The following FGFR3 variants were observed in gnomAD, a reference collection of about 807,000 sequenced individuals.
The protein encoded by FGFR3 is FGFR-3.
In FGFR3, 25 loss-of-function variants were observed where a neutral mutation model predicts 82.9. The observed-to-expected ratio is 0.30, with a 90% CI of 0.22 to 0.42. FGFR3 has a LOEUF of 0.42. Among genes scored for constraint, FGFR3 ranks in the 10% least tolerant of loss-of-function variants. The pLI, the probability that FGFR3 is intolerant of heterozygous loss-of-function variation, is 1.00. For missense variants in FGFR3, 1,026 were observed against 1,161.0 expected, an observed-to-expected ratio of 0.88 and a Z score of 1.69; for synonymous variants, 620 against 516.0, an observed-to-expected ratio of 1.20 and a Z score of -2.73.
In FGFR3 at chr4:1,808,390, T is replaced by G. The variant is rs546526332; in HGVS notation, c.*1128T>G. 12 of 232,364 alleles carry G rather than the reference T, an allele frequency of 5.2e-5. No homozygotes were observed. Among genetic ancestry groups the G allele is most frequent in the African/African-American group, 2.4e-4 (11 of 45,290 alleles). 14.4% of individuals were successfully genotyped at this position (232,364 alleles called of 1,614,324 possible). On this transcript the variant is annotated 3_prime_UTR_variant, in exon 18 of 18. Transcript: ENST00000440486. ...ATTAGATTTCTATAGGATTTTTCTT[T>G]AGGAGATTTATTTTTTGGACTTCAA...
rs762689187 is a variant in FGFR3 at position 1,804,400 on chromosome 4, C to T, written c.1146C>T (p.Gly382=). 1.9e-4 allele frequency: 309 copies of T among 1,612,998 alleles called. No individual in the cohort carries two copies. The highest frequency in any genetic ancestry group is 2.5e-4 in the Non-Finnish European group (300 of 1,179,692). ...VYAGILSYGV[G]FFLFILVVAA... ...CAGGCATCCTCAGCTACGGGGTGGG[C>T]TTCTTCCTGTTCATCCTGGTGGTGG... The change falls in exon 9 of 18, where the codon GGC becomes GGT. Residue 382 remains glycine, a synonymous_variant. Coordinates refer to ENST00000440486, the MANE Select transcript of FGFR3 (RefSeq NM_000142.5).
Position 1,801,580 on chromosome 4 carries a change from T to C in FGFR3, c.616-40T>C, listed in dbSNP as rs2305183. 250,671 of 1,583,716 alleles carry C rather than the reference T, an allele frequency of 0.16. 23,141 individuals are homozygous for C. Among genetic ancestry groups the C allele is most frequent in the African/African-American group, 0.41 (30,477 of 74,420 alleles). On this transcript the variant is annotated intron_variant, in intron 5 of 17. Coordinates refer to ENST00000440486, the MANE Select transcript of FGFR3 (RefSeq NM_000142.5). ...CTCTGGGCCTGGCAGGCGCGGTGGT[T>C]GCTGCCTCCGCTCACTCACCCGCCC...
chr4:1,801,523 T>A lies in FGFR3; in HGVS notation c.602T>A (p.Ile201Asn). Reference sequence around the variant, plus strand: ...AGGGAGTTCCGCGGCGAGCACCGCATTGGAGGCATCAAGGTGGGCGCGGCG... The same window carrying A: ...AGGGAGTTCCGCGGCGAGCACCGCAATGGAGGCATCAAGGTGGGCGCGGCG... ...NGREFRGEHRIGGIKLRHQQW... is the reference protein window; with the variant it reads ...NGREFRGEHRNGGIKLRHQQW... The change falls in exon 5 of 18, where the codon ATT becomes AAT. Residue 201 changes from isoleucine to asparagine, a missense_variant. This residue lies in a region of FGFR3 where 147 missense variants were observed against 228.1 expected (regional missense o/e 0.64). Transcript: ENST00000440486. 6.4e-7 allele frequency: 1 copy of A among 1,573,588 alleles called. No homozygotes were observed. Among genetic ancestry groups the A allele is most frequent in the Non-Finnish European group, 8.6e-7 (1 of 1,160,492 alleles).
At chr4:1,799,895 G>A (rs1380094966) in intron 4 of FGFR3, 83 bp downstream of exon 4, 13 of 1,506,952 alleles carry the variant, frequency 8.6e-6, no homozygotes, top group Non-Finnish European at 1.2e-5. Context: ...GGCAGCTGAG[G>A]GACTAAGGCC....
chr4:1,797,895 C>T (rs1720705317), intron 2 of FGFR3, among the ~76,000 whole-genome samples: 1 of 152,150 alleles, frequency 6.6e-6, no homozygotes, highest in Non-Finnish European at 1.5e-5. Flanking sequence ...GCCGGGCAGC[C>T]AGGGACTGGT....
At chr4:1,795,840 C>T (rs1387228254) in intron 2 of FGFR3, among the ~76,000 whole-genome samples, 2 of 152,182 alleles carry the variant, frequency 1.3e-5, no homozygotes, top group East Asian at 3.9e-4. Context: ...CTGGCTGCAA[C>T]CTCCCCCACT....
intron 1 of FGFR3, 38 bp downstream of exon 1, chr4:1,793,503 C>G (rs1720073862): frequency 6.7e-6 from 1 of 149,418 alleles, no homozygotes; most frequent in African/African-American, 2.4e-5. Flanking sequence ...CGGAGGGGTC[C>G]AACGGTGCTC....
intron 2 of FGFR3, among the ~76,000 whole-genome samples, chr4:1,794,810 G>C (rs1455145796): frequency 6.6e-6 from 1 of 151,788 alleles, no homozygotes; most frequent in Non-Finnish European, 1.5e-5. Context: ...GCGTACACCC[G>C]CAGCCGGCTC....
At position 1,808,551 on chromosome 4, in the gene FGFR3, T is replaced by A. The variant is rs1722250009; in HGVS notation, c.*1289T>A. On this transcript the variant is annotated 3_prime_UTR_variant, in exon 18 of 18. Coordinates refer to ENST00000440486, the MANE Select transcript of FGFR3 (RefSeq NM_000142.5). Reference sequence around the variant, plus strand: ...TTACAAGTTTATATATATCTATATATATAATTTATTGAGTTTTTACAAGAT... The same window carrying A: ...TTACAAGTTTATATATATCTATATAAATAATTTATTGAGTTTTTACAAGAT... 4.4e-6 allele frequency: 1 copy of A among 229,858 alleles called. No homozygotes were observed. Among genetic ancestry groups the A allele is most frequent in the Non-Finnish European group, 8.6e-6 (1 of 115,728 alleles). The allele number at this position is 229,858 out of a possible 1,614,324, so 14.2% of individuals were successfully genotyped here.
At chr4:1,804,767 G>A (rs949494572) in intron 9 of FGFR3, 57 bp from the exon 10 acceptor site, 34 of 1,546,824 alleles carry the variant, frequency 2.2e-5, no homozygotes, top group Non-Finnish European at 2.9e-5. Context: ...ACCCCCGGCT[G>A]TACCTCCACG....
Position 1,808,609 on chromosome 4 carries a change from A to G in FGFR3, c.*1347A>G, listed in dbSNP as rs1160086539. The G allele has an allele frequency of 4.3e-6, 1 of 231,168 alleles. No homozygotes were observed. Among genetic ancestry groups the G allele is most frequent in the Non-Finnish European group, 8.6e-6 (1 of 116,468 alleles). The allele number at this position is 231,168 out of a possible 1,614,324, so 14.3% of individuals were successfully genotyped here. On this transcript the variant is annotated 3_prime_UTR_variant, in exon 18 of 18. Transcript: ENST00000440486. The stretch of plus-strand genomic sequence containing the variant: ...TTGTAGACTTAACACTTCTTACGCA[A>G]TGCTTCTAGAGTTTTATAGCCTGGA...
At chr4:1,806,467 C>T (rs1721934562) in intron 15 of FGFR3, 79 bp from the exon 16 acceptor site, 1 of 1,610,518 alleles carries the variant, frequency 6.2e-7, no homozygotes, top group African/African-American at 1.3e-5. Context: ...GCAGCGCAGC[C>T]CTGGCCTATT....
At chr4:1,798,344 A>C (rs17883202) in intron 2 of FGFR3, among the ~76,000 whole-genome samples, 6 of 151,898 alleles carry the variant, frequency 4.0e-5, no homozygotes, top group African/African-American at 1.5e-4. Flanking sequence ...TGCAGGCAGC[A>C]GGACTCCACC....
At position 1,804,872 on chromosome 4, in the gene FGFR3, C is replaced by G. The variant is rs749083353; in HGVS notation, c.1315C>G (p.Arg439Gly). 51 of 1,550,172 alleles carry G rather than the reference C, an allele frequency of 3.3e-5. No individual in the cohort carries two copies. The highest frequency in any genetic ancestry group is 4.4e-5 in the Non-Finnish European group (50 of 1,146,934). The change falls in exon 10 of 18, where the codon CGC becomes GGC. Residue 439 changes from arginine to glycine, a missense_variant. By Grantham distance (125) the Arg-to-Gly change is moderately radical. Around this residue, in one of 9 missense-constraint regions of FGFR3, gnomAD observed 256 missense variants for 217.6 expected, o/e 1.18. Coordinates refer to ENST00000440486, the MANE Select transcript of FGFR3 (RefSeq NM_000142.5). ...CATGAGCTCCAACACACCACTGGTG[C>G]GCATCGCAAGGCTGTCCTCAGGGGA... ...ASMSSNTPLV[R>G]IARLSSGEGP...
At position 1,807,244 on chromosome 4, in the gene FGFR3, TG is replaced by T; in HGVS notation, c.2408del (p.Gly803AlafsTer17). ...TGCTGCCCCCGGCCCCACCCAGCAG[TG>T]GGGGCTCGCGGACGTGAAGGGCCAC... ...DLLPPAPPSS[G>X]GSRT On this transcript the variant is annotated frameshift_variant, in exon 18 of 18. Transcript: ENST00000440486. LOFTEE classifies it high-confidence loss of function. 1 of 1,605,722 alleles carries T rather than the reference TG, an allele frequency of 6.2e-7. No homozygotes were observed. The highest frequency in any genetic ancestry group is 8.5e-7 in the Non-Finnish European group (1 of 1,177,540).
Position 1,806,868 on chromosome 4 carries a change from C to T in FGFR3, c.2208C>T (p.Ser736=), listed in dbSNP as rs1445624330. Residue 736 remains serine, a synonymous_variant, in exon 17 of 18, where the codon TCC becomes TCT. Coordinates refer to ENST00000440486, the MANE Select transcript of FGFR3 (RefSeq NM_000142.5). ...GGGAGTGCTGGCATGCCGCGCCCTC[C>T]CAGAGGCCCACCTTCAAGCAGCTGG... ...IMRECWHAAP[S]QRPTFKQLVE... is the part of the protein sequence containing the mutation. The T allele has an allele frequency of 6.2e-7, 1 of 1,611,754 alleles. No homozygotes were observed. Among genetic ancestry groups the T allele is most frequent in the Non-Finnish European group, 8.5e-7 (1 of 1,179,606 alleles).
chr4:1,794,496 C>T (rs1207480682), intron 2 of FGFR3, among the ~76,000 whole-genome samples: 2 of 152,214 alleles, frequency 1.3e-5, no homozygotes, highest in Non-Finnish European at 2.9e-5. Flanking sequence ...GTGTGCGCGT[C>T]AGCGAAGCCC....
At chr4:1,804,292 G>A (rs751902094) in intron 8 of FGFR3, 38 bp from the exon 9 acceptor site, 6 of 1,552,406 alleles carry the variant, frequency 3.9e-6, no homozygotes, top group Admixed American at 1.9e-5. Context: ...CCGTGGGGGG[G>A]GGGGCCAGGC....
rs557819204 is a variant in FGFR3, at chr4:1,795,719, T to A, written c.109+1676T>A. On this transcript the variant is annotated intron_variant, in intron 2 of 17. Coordinates refer to ENST00000440486, the MANE Select transcript of FGFR3 (RefSeq NM_000142.5). The stretch of plus-strand genomic sequence containing the variant: ...TCTCCCCAGGGGGCCGTATTCCTGG[T>A]TGGGACCTGGAGTGACCCCCCAGGG... 4.1e-3 allele frequency among the ~76,000 whole-genome samples: 619 copies of A among 152,230 alleles called. 10 individuals are homozygous for A. The highest frequency in any genetic ancestry group is 5.4e-3 in the Non-Finnish European group (367 of 67,984).
Sources: allele counts gnomAD v4.1 joint callset (sites outside exome capture counted in the v4.1 genomes callset), GRCh38; gene constraint gnomAD v4.1.1; regional missense constraint gnomAD v4.1.1; transcripts MANE v1.5; gene names NCBI Gene and HGNC (gene_info 2026-07-23, HGNC 2026-07-21).